Variants in FAM241A observed in about 807,000 individuals in gnomAD.
The protein encoded by FAM241A is uncharacterized protein FAM241A.
A neutral mutation model predicts 12.2 loss-of-function variants in FAM241A; 7 were observed. The ratio of observed to expected loss-of-function variants is 0.58; its 90% CI spans 0.33 to 1.08. The LOEUF (loss-of-function observed/expected upper bound fraction) is 1.08, where lower values mean the gene tolerates loss of function less well. Among genes scored for constraint, FAM241A ranks in the 50% least tolerant of loss-of-function variants. FAM241A has a pLI of 0.04. For synonymous variants in FAM241A, 74 were observed against 68.2 expected (o/e 1.08, Z -0.42); for missense variants, 161 against 169.7 (o/e 0.95, Z 0.29).
At chr4:112,186,597 C>T in intron 1 of FAM241A, 96 bp from the exon 2 acceptor site, 1 of 1,129,668 alleles carries the variant, frequency 8.9e-7, no homozygotes, top group Non-Finnish European at 1.3e-6. Context: ...CAGAAGTATG[C>T]CCAGCACTTT....
At chr4:112,179,943 A>ATATATATATATATATATATG (rs1553921438) in intron 1 of FAM241A, among the ~76,000 whole-genome samples, 15 of 129,460 alleles carry the variant, frequency 1.2e-4, no homozygotes, top group African/African-American at 1.8e-4. Flanking sequence ...ATATATGTAT[A>ATATATATATATATATATATG]TGTGTGTGTG....
chr4:112,147,891 T>C (rs2110417817), intron 1 of FAM241A, among the ~76,000 whole-genome samples: 1 of 152,174 alleles, frequency 6.6e-6, no homozygotes, highest in African/African-American at 2.4e-5. Context: ...CCTGCCGTCT[T>C]TTCTACTTGG....
At chr4:112,160,559 G>A (rs1260790861) in intron 1 of FAM241A, among the ~76,000 whole-genome samples, 4 of 151,978 alleles carry the variant, frequency 2.6e-5, no homozygotes, top group East Asian at 1.9e-4. Context: ...AAACATTCCC[G>A]AAATTTATTT....
chr4:112,172,640 T>C (rs1358031110), intron 1 of FAM241A, among the ~76,000 whole-genome samples: 1 of 152,220 alleles, frequency 6.6e-6, no homozygotes, highest in Admixed American at 6.5e-5. Context: ...CCTTAAAATA[T>C]ATGTATTTGT....
At chr4:112,178,481 G>A (rs1209498830) in intron 1 of FAM241A, among the ~76,000 whole-genome samples, 1 of 152,112 alleles carries the variant, frequency 6.6e-6, no homozygotes, top group Non-Finnish European at 1.5e-5. Context: ...CCCATTGCTT[G>A]TTTTGTCTGC....
intron 1 of FAM241A, among the ~76,000 whole-genome samples, chr4:112,161,368 A>G (rs1001955699): frequency 3.3e-5 from 5 of 152,234 alleles, no homozygotes; most frequent in African/African-American, 1.2e-4. Flanking sequence ...CAATGAATCT[A>G]GGAGCTGGTT....
At chr4:112,163,565 C>A (rs1723526829) in intron 1 of FAM241A, among the ~76,000 whole-genome samples, 1 of 152,210 alleles carries the variant, frequency 6.6e-6, no homozygotes, top group African/African-American at 2.4e-5. Context: ...AAAAAATGCT[C>A]ACCATCACTG....
In FAM241A at chr4:112,192,242, T is replaced by C. The variant is rs941543987; in HGVS notation, c.*5304T>C. ...ATTCACTATTTTTCCAAAAAGGATA[T>C]TTTACAATACCTACGGTCACTGATA... is the stretch of plus-strand genomic sequence containing the variant. On this transcript the variant is annotated 3_prime_UTR_variant, in exon 2 of 2. Transcript: ENST00000309733. 6.6e-5 allele frequency: 10 copies of C among 152,198 alleles called. No homozygotes were observed. Among genetic ancestry groups the C allele is most frequent in the African/African-American group, 2.4e-4 (10 of 41,434 alleles). The allele number at this position is 152,198 out of a possible 1,614,324, so 9.4% of individuals were successfully genotyped here. A position where few individuals can be genotyped will look rare whatever the true frequency, so the allele number is the denominator to read the frequency against.
At position 112,186,818 on chromosome 4, in the gene FAM241A, A is replaced by C. The variant is rs764644257; in HGVS notation, c.279A>C (p.Gly93=). The C allele has an allele frequency of 5.6e-6, 9 of 1,613,936 alleles. No individual in the cohort carries two copies. Among genetic ancestry groups the C allele is most frequent in the Middle Eastern group, 3.3e-4 (2 of 6,084 alleles). ...INMGFTRMYF[G]ERIVEPVIVI... is the part of the protein sequence containing the mutation. The stretch of plus-strand genomic sequence containing the variant: ...TGGGCTTCACAAGGATGTATTTTGG[A>C]GAACGAATAGTGGAACCAGTAATAG... The change falls in exon 2 of 2, where the codon GGA becomes GGC. Residue 93 remains glycine (G), a synonymous_variant. Transcript: ENST00000309733.
chr4:112,156,727 T>G (rs1207947966), intron 1 of FAM241A, among the ~76,000 whole-genome samples: 1 of 152,210 alleles, frequency 6.6e-6, no homozygotes. Context: ...CAGGAACATG[T>G]CTTCTTATCA....
chr4:112,162,616 C>A (rs1723499089), intron 1 of FAM241A, among the ~76,000 whole-genome samples: 1 of 152,084 alleles, frequency 6.6e-6, no homozygotes, highest in African/African-American at 2.4e-5. Flanking sequence ...TGTGAAGGAC[C>A]TCTTCAAGGA....
At position 112,194,721 on chromosome 4, in the gene FAM241A, C is replaced by A. The variant is rs1293484609; in HGVS notation, c.*7783C>A. ...AGCCCACTTGAACATGGTGGATAAG[C>A]TTTTTGATGTGCTGCTGGATTTGGT... On this transcript the variant is annotated 3_prime_UTR_variant, in exon 2 of 2. Transcript: ENST00000309733. The A allele has an allele frequency of 3.3e-5, 5 of 152,104 alleles. No individual in the cohort carries two copies. The East Asian group carries it at 9.6e-4, about 29-fold the overall frequency. 9.4% of individuals were successfully genotyped at this position (152,104 alleles called of 1,614,324 possible).
chr4:112,185,490 T>C (rs1024974157), intron 1 of FAM241A, among the ~76,000 whole-genome samples: 3 of 152,172 alleles, frequency 2.0e-5, no homozygotes, highest in Non-Finnish European at 4.4e-5. Flanking sequence ...TAACGCATGC[T>C]AAAGTTTAAA....
intron 1 of FAM241A, among the ~76,000 whole-genome samples, chr4:112,173,066 T>C (rs943366905): frequency 3.3e-5 from 5 of 152,120 alleles, no homozygotes; most frequent in African/African-American, 1.2e-4. Context: ...TTCTGTATTT[T>C]TTTGTAGAGT....
chr4:112,178,560 C>T (rs1455465013), intron 1 of FAM241A, among the ~76,000 whole-genome samples: 1 of 152,112 alleles, frequency 6.6e-6, no homozygotes, highest in African/African-American at 2.4e-5. Context: ...AGGAAATACC[C>T]TTCTCAACAT....
intron 1 of FAM241A, among the ~76,000 whole-genome samples, chr4:112,173,583 T>A (rs1275134633): frequency 6.6e-6 from 1 of 152,240 alleles, no homozygotes; most frequent in African/African-American, 2.4e-5. Flanking sequence ...TTAAAATTCA[T>A]TTAACTTCAA....
chr4:112,187,167 C>T lies in FAM241A; in HGVS notation c.*229C>T. On this transcript the variant is annotated 3_prime_UTR_variant, in exon 2 of 2. Transcript: ENST00000309733. ...TAGCTTATTCAAAACTCTTGTTTCACTACTGTGATCTCTGTCTCCTTTATA... is the reference window on the plus strand; with the variant it reads ...TAGCTTATTCAAAACTCTTGTTTCATTACTGTGATCTCTGTCTCCTTTATA... 1 of 498,660 alleles carries T rather than the reference C, an allele frequency of 2.0e-6. No individual in the cohort carries two copies. The highest frequency in any genetic ancestry group is 3.5e-5 in the East Asian group (1 of 28,670). 30.9% of individuals were successfully genotyped at this position (498,660 alleles called of 1,614,324 possible). A position where few individuals can be genotyped will look rare whatever the true frequency, so the allele number is the denominator to read the frequency against.
chr4:112,156,019 A>G, intron 1 of FAM241A, among the ~76,000 whole-genome samples: 1 of 152,210 alleles, frequency 6.6e-6, no homozygotes, highest in East Asian at 1.9e-4. Flanking sequence ...CATGCTTAAA[A>G]GCCCTAAACT....
At chr4:112,174,954 C>G (rs1723790906) in intron 1 of FAM241A, among the ~76,000 whole-genome samples, 1 of 152,144 alleles carries the variant, frequency 6.6e-6, no homozygotes, top group Admixed American at 6.6e-5. Context: ...GTGTATATGC[C>G]CAAGGCATTT....
Sources: allele counts gnomAD v4.1 joint callset (sites outside exome capture counted in the v4.1 genomes callset), GRCh38; gene constraint gnomAD v4.1.1; transcripts MANE v1.5; gene names NCBI Gene and HGNC (gene_info 2026-07-23, HGNC 2026-07-21).